The following SKIDA1 variants were observed in gnomAD, a reference collection of about 807,000 sequenced individuals.
The protein encoded by SKIDA1 is SKI/DACH domain-containing protein 1.
SKIDA1 carries 18 observed loss-of-function variants against 51.4 expected under a neutral mutation model. The ratio of observed to expected loss-of-function variants is 0.35; its 90% CI spans 0.24 to 0.52. SKIDA1 has a LOEUF of 0.52. Among genes scored for constraint, SKIDA1 ranks in the 20% least tolerant of loss-of-function variants. The pLI is 0.95. For synonymous variants in SKIDA1, 579 were observed against 500.5 expected (o/e 1.16, Z -2.09); for missense variants, 1,104 against 1,180.6 (o/e 0.94, Z 0.95).
Position 21,516,289 on chromosome 10 carries a change from C to T in SKIDA1, c.1534G>A (p.Val512Ile). 3 of 1,613,920 alleles carry T rather than the reference C, an allele frequency of 1.9e-6. No homozygotes were observed. The highest frequency in any genetic ancestry group is 2.5e-6 in the Non-Finnish European group (3 of 1,179,912). The change falls in exon 4 of 4, where the codon GTC becomes ATC. Residue 512 changes from valine to isoleucine, a missense_variant. By Grantham distance (29) the Val-to-Ile change is conservative. This residue lies in a region of SKIDA1 where 938 missense variants were observed against 886.4 expected (regional missense o/e 1.06). Transcript: ENST00000449193. The surrounding 1 kb of genome is among the most constrained non-coding windows in gnomAD (Gnocchi z 5.7). ...AGRLPDLKSS[V>I]KAESPAEWNL... ...CACTCCGCCGGCGACTCCGCTTTGA[C>T]ACTACTCTTGAGGTCGGGAAGTCTG...
chr10:21,523,612 G>A (rs2032506582), intron 2 of SKIDA1, 71 bp downstream of exon 2: 1 of 152,158 alleles, frequency 6.6e-6, no homozygotes. Context: ...GGTTGCCCAA[G>A]TTTTTGTTTA....
chr10:21,516,846 A>G lies in SKIDA1; in HGVS notation c.977T>C (p.Phe326Ser). The G allele has an allele frequency of 6.5e-7, 1 of 1,536,514 alleles. No homozygotes were observed. The highest frequency in any genetic ancestry group is 1.2e-5 in the South Asian group (1 of 83,460). Residue 326 changes from phenylalanine (F) to serine (S), a missense_variant, in exon 4 of 4, where the codon TTT becomes TCT. Physicochemically the swap from Phe to Ser is radical, Grantham distance 155 (BLOSUM62 -2). Around this residue, in one of 3 missense-constraint regions of SKIDA1, gnomAD observed 938 missense variants for 886.4 expected, o/e 1.06. Coordinates refer to ENST00000449193, the MANE Select transcript of SKIDA1 (RefSeq NM_207371.4). This position sits in a 1 kb window ranked among gnomAD's most constrained non-coding sequence, Gnocchi z 5.7. The stretch of plus-strand genomic sequence containing the variant: ...CGGGCAGAAGCCGTTGACCAGATGA[A>G]ACCTCTCCAGGCAAGTGGCCCCCGC... ...AAAGATCLER[F>S]HLVNGFCPPP...
chr10:21,516,864 GC>G lies in SKIDA1; in HGVS notation c.958del (p.Ala320ProfsTer226). The G allele has an allele frequency of 7.6e-7, 1 of 1,317,946 alleles. No individual in the cohort carries two copies. Among genetic ancestry groups the G allele is most frequent in the Non-Finnish European group, 9.6e-7 (1 of 1,038,468 alleles). The allele number at this position is 1,317,946 out of a possible 1,614,324, so 81.6% of individuals were successfully genotyped here. A position where few individuals can be genotyped will look rare whatever the true frequency, so the allele number is the denominator to read the frequency against. On this transcript the variant is annotated frameshift_variant, in exon 4 of 4. Transcript: ENST00000449193. LOFTEE classifies it high-confidence loss of function. The surrounding 1 kb of genome is among the most constrained non-coding windows in gnomAD (Gnocchi z 5.7). ...AAAAAAAAAG[A>X]TCLERFHLVN... is the part of the protein sequence containing the mutation. ...CAGATGAAACCTCTCCAGGCAAGTGGCCCCCGCGGCGGCCGCCGCCGCCGCT... is the reference window on the plus strand; with the variant it reads ...CAGATGAAACCTCTCCAGGCAAGTGGCCCCGCGGCGGCCGCCGCCGCCGCT...
Position 21,516,717 on chromosome 10 carries a change from T to C in SKIDA1, c.1106A>G (p.Gln369Arg). The C allele has an allele frequency of 6.4e-7, 1 of 1,550,644 alleles. No homozygotes were observed. Among genetic ancestry groups the C allele is most frequent in the Non-Finnish European group, 8.7e-7 (1 of 1,146,702 alleles). ...SHHPPHHHRP[Q>R]PHLGSFPESC... ...CTCGGGAAAGCTGCCCAGATGGGGC[T>C]GCGGCCGGTGGTGGTGAGGGGGGTG... Residue 369 changes from glutamine to arginine, a missense_variant, in exon 4 of 4, where the codon CAG becomes CGG. Gln to Arg is a conservative substitution (Grantham distance 43). Transcript: ENST00000449193. This position sits in a 1 kb window ranked among gnomAD's most constrained non-coding sequence, Gnocchi z 5.7.
At chr10:21,523,450 C>T (rs1588690204) in intron 2 of SKIDA1, among the ~76,000 whole-genome samples, 1 of 152,142 alleles carries the variant, frequency 6.6e-6, no homozygotes, top group African/African-American at 2.4e-5. Context: ...GCCTTTCCCC[C>T]CAATTATCTT....
rs917805405 is a variant in SKIDA1, at chr10:21,518,047, TTTG to T, written c.-228_-226del. On this transcript the variant is annotated 5_prime_UTR_variant, in exon 4 of 4. Transcript: ENST00000449193. ...ATTACACTGACTTGATTCTTGCTTTTTTGTTGTTGTTGTTTTCGTTTTTTTAAA... is the reference window on the plus strand; with the variant it reads ...ATTACACTGACTTGATTCTTGCTTTTTTGTTGTTGTTTTCGTTTTTTTAAA... 6.7e-5 allele frequency: 34 copies of T among 508,630 alleles called. No homozygotes were observed. Among genetic ancestry groups the T allele is most frequent in the Middle Eastern group, 5.3e-4 (1 of 1,888 alleles). 31.5% of individuals were successfully genotyped at this position (508,630 alleles called of 1,614,324 possible).
Position 21,516,195 on chromosome 10 carries a change from G to T in SKIDA1, c.1628C>A (p.Ala543Asp), listed in dbSNP as rs761181030. 1 of 1,614,008 alleles carries T rather than the reference G, an allele frequency of 6.2e-7. No homozygotes were observed. Among genetic ancestry groups the T allele is most frequent in the Non-Finnish European group, 8.5e-7 (1 of 1,179,892 alleles). The stretch of plus-strand genomic sequence containing the variant: ...AGATACCCTATCGTTCCTTATCTCA[G>T]CGAAACAACTCCCCAGGCTGGCCGG... ...YCPASLGSCF[A>D]EIRNDRVSEI... is the part of the protein sequence containing the mutation. Residue 543 changes from alanine to aspartate, a missense_variant, in exon 4 of 4, where the codon GCT becomes GAT. Ala to Asp is a moderately radical substitution (Grantham distance 126). Around this residue, in one of 3 missense-constraint regions of SKIDA1, gnomAD observed 938 missense variants for 886.4 expected, o/e 1.06. Transcript: ENST00000449193. The surrounding 1 kb of genome is among the most constrained non-coding windows in gnomAD (Gnocchi z 5.7).
In SKIDA1 at chr10:21,515,078, A is replaced by G. The variant is rs2032158207; in HGVS notation, c.*18T>C. ...AAGGAAGGTAATATGGTTCAAGAAA[A>G]TATCTTCCAAAACATTTTTATGAAT... On this transcript the variant is annotated 3_prime_UTR_variant, in exon 4 of 4. Coordinates refer to ENST00000449193, the MANE Select transcript of SKIDA1 (RefSeq NM_207371.4). The G allele has an allele frequency of 1.3e-6, 2 of 1,569,466 alleles. No individual in the cohort carries two copies. The highest frequency in any genetic ancestry group is 2.3e-5 in the East Asian group (1 of 43,688).
chr10:21,516,843 T>C lies in SKIDA1; in HGVS notation c.980A>G (p.His327Arg), dbSNP rs1239497430. ...AAGATCLERF[H>R]LVNGFCPPPH... ...AGGCGGGCAGAAGCCGTTGACCAGATGAAACCTCTCCAGGCAAGTGGCCCC... is the reference window on the plus strand; with the variant it reads ...AGGCGGGCAGAAGCCGTTGACCAGACGAAACCTCTCCAGGCAAGTGGCCCC... Residue 327 changes from histidine to arginine, a missense_variant, in exon 4 of 4, where the codon CAT becomes CGT. Coordinates refer to ENST00000449193, the MANE Select transcript of SKIDA1 (RefSeq NM_207371.4). The surrounding 1 kb of genome is among the most constrained non-coding windows in gnomAD (Gnocchi z 5.7). 6.5e-7 allele frequency: 1 copy of C among 1,538,934 alleles called. No homozygotes were observed.
At position 21,513,636 on chromosome 10, in the gene SKIDA1, T is replaced by A. The variant is rs2032099211; in HGVS notation, c.*1460A>T. The A allele has an allele frequency of 6.6e-6, 1 of 152,626 alleles. No homozygotes were observed. The highest frequency in any genetic ancestry group is 2.4e-5 in the African/African-American group (1 of 41,438). The allele number at this position is 152,626 out of a possible 1,614,324, so 9.5% of individuals were successfully genotyped here. A position where few individuals can be genotyped will look rare whatever the true frequency, so the allele number is the denominator to read the frequency against. On this transcript the variant is annotated 3_prime_UTR_variant, in exon 4 of 4. Coordinates refer to ENST00000449193, the MANE Select transcript of SKIDA1 (RefSeq NM_207371.4). ...CTAGCATTTGCATGTTGAACTACTT[T>A]GATTTTAAGTGCAAATATAGATAGT...
At chr10:21,520,796 A>G (rs1406869308) in intron 3 of SKIDA1, among the ~76,000 whole-genome samples, 2 of 151,766 alleles carry the variant, frequency 1.3e-5, no homozygotes, top group Non-Finnish European at 2.9e-5. Context: ...TAGCATATTA[A>G]GTTATTTTTT....
intron 1 of SKIDA1, among the ~76,000 whole-genome samples, chr10:21,524,236 GTT>G (rs1197328988): frequency 6.6e-6 from 1 of 152,002 alleles, no homozygotes; most frequent in Non-Finnish European, 1.5e-5. Flanking sequence ...TTGGGGTAGT[GTT>G]TTGTTTGTGT....
In SKIDA1 at chr10:21,515,000, G is replaced by A. The variant is rs914565550; in HGVS notation, c.*96C>T. ...ATGCGATAAACCAGGACTCCAAAGG[G>A]GGTGTAACACATTAATGGACTTGTA... is the stretch of plus-strand genomic sequence containing the variant. On this transcript the variant is annotated 3_prime_UTR_variant, in exon 4 of 4. Transcript: ENST00000449193. The A allele has an allele frequency of 2.9e-5, 41 of 1,408,486 alleles. 1 individual carries two copies. In the South Asian group the frequency reaches 6.2e-4, roughly 21 times the overall value. The allele number at this position is 1,408,486 out of a possible 1,614,324, so 87.2% of individuals were successfully genotyped here.
In SKIDA1 at chr10:21,516,622, T is replaced by C; in HGVS notation, c.1201A>G (p.Ser401Gly). 1.9e-6 allele frequency: 3 copies of C among 1,551,678 alleles called. No individual in the cohort carries two copies. Among genetic ancestry groups the C allele is most frequent in the Non-Finnish European group, 1.7e-6 (2 of 1,147,000 alleles). Residue 401 changes from serine to glycine, a missense_variant, in exon 4 of 4, where the codon AGT (serine) becomes GGT (glycine). Ser to Gly is a moderately conservative substitution (Grantham distance 56). Around this residue, in one of 3 missense-constraint regions of SKIDA1, gnomAD observed 938 missense variants for 886.4 expected, o/e 1.06. Transcript: ENST00000449193. This position sits in a 1 kb window ranked among gnomAD's most constrained non-coding sequence, Gnocchi z 5.7. ...ACAGAATTGCTGGAGCTGGACAAACTGGAGCCAAAATCCGAGTCGTTGGCC... is the reference window on the plus strand; with the variant it reads ...ACAGAATTGCTGGAGCTGGACAAACCGGAGCCAAAATCCGAGTCGTTGGCC... ...HAANDSDFGS[S>G]LSSSSNSVSS... is the part of the protein sequence containing the mutation.
chr10:21,514,955 A>C lies in SKIDA1; in HGVS notation c.*141T>G, dbSNP rs2032154362. The C allele has an allele frequency of 9.0e-7, 1 of 1,116,768 alleles. No individual in the cohort carries two copies. The highest frequency in any genetic ancestry group is 3.4e-5 in the East Asian group (1 of 29,726). 69.2% of individuals were successfully genotyped at this position (1,116,768 alleles called of 1,614,324 possible). On this transcript the variant is annotated 3_prime_UTR_variant, in exon 4 of 4. Transcript: ENST00000449193. ...AAAAACCCGCAACGGAAAAAAAGTAATCCGATTTCTGTCTTCAAAATGCGA... is the reference window on the plus strand; with the variant it reads ...AAAAACCCGCAACGGAAAAAAAGTACTCCGATTTCTGTCTTCAAAATGCGA...
rs1230396783 is a variant in SKIDA1 at position 21,515,414 on chromosome 10, T to C, written c.2409A>G (p.Ser803=). ...QTPPVKPNLK[S]ARSPRPTGKT... Reference sequence around the variant, plus strand: ...TACCTGTAGGACGAGGGCTTCTAGCTGATTTCAAATTTGGTTTGACTGGAG... The same window carrying C: ...TACCTGTAGGACGAGGGCTTCTAGCCGATTTCAAATTTGGTTTGACTGGAG... The change falls in exon 4 of 4, where the codon TCA becomes TCG. Residue 803 remains serine, a synonymous_variant. Transcript: ENST00000449193. 1 of 1,614,074 alleles carries C rather than the reference T, an allele frequency of 6.2e-7. No individual in the cohort carries two copies. Among genetic ancestry groups the C allele is most frequent in the Admixed American group, 1.7e-5 (1 of 60,030 alleles).
rs10707268 is a variant in SKIDA1, at chr10:21,518,540, GAA to G, written c.-720_-719del. ...AAGCAGTGTGTGTACGCTTAAGGGA[GAA>G]AAAAAAAAAAACCGCACCGTATATT... On this transcript the variant is annotated 5_prime_UTR_variant, in exon 4 of 4. The change creates a premature stop within an existing upstream ORF in the 5' untranslated region. Transcript: ENST00000449193. 47 of 154,060 alleles carry G rather than the reference GAA, an allele frequency of 3.1e-4. No homozygotes were observed. The highest frequency in any genetic ancestry group is 8.9e-4 in the East Asian group (4 of 4,502). 9.5% of individuals were successfully genotyped at this position (154,060 alleles called of 1,614,324 possible).
At position 21,516,388 on chromosome 10, in the gene SKIDA1, C is replaced by T; in HGVS notation, c.1435G>A (p.Ala479Thr). The change falls in exon 4 of 4, where the codon GCG becomes ACG. Residue 479 changes from alanine (A) to threonine (T), a missense_variant. Coordinates refer to ENST00000449193, the MANE Select transcript of SKIDA1 (RefSeq NM_207371.4). This position sits in a 1 kb window ranked among gnomAD's most constrained non-coding sequence, Gnocchi z 5.7. ...AGATGGTACAAGAAGTTGGCCTGCG[C>T]CTGCACGCTGGGAGGCTTGCAGAAG... ...TSFCKPPSVQ[A>T]QANFLYHLAS... 1 of 1,613,426 alleles carries T rather than the reference C, an allele frequency of 6.2e-7. No individual in the cohort carries two copies. The highest frequency in any genetic ancestry group is 2.2e-5 in the East Asian group (1 of 44,884).
Position 21,515,391 on chromosome 10 carries a change from C to A in SKIDA1, c.2432G>T (p.Gly811Val). Residue 811 changes from glycine to valine, a missense_variant, in exon 4 of 4, where the codon GGT (glycine) becomes GTT (valine). Gly to Val is a moderately radical substitution (Grantham distance 109). Around this residue, in one of 3 missense-constraint regions of SKIDA1, gnomAD observed 112 missense variants for 168.3 expected, o/e 0.67. Transcript: ENST00000449193. ...LKSARSPRPT[G>V]KTETNEGTLD... ...TGTTCCTTCATTTGTCTCAGTTTTA[C>A]CTGTAGGACGAGGGCTTCTAGCTGA... 1 of 1,613,970 alleles carries A rather than the reference C, an allele frequency of 6.2e-7. No homozygotes were observed. The highest frequency in any genetic ancestry group is 8.5e-7 in the Non-Finnish European group (1 of 1,179,888).
Sources: gnomAD v4.1 joint callset for allele counts (sites outside exome capture counted in the v4.1 genomes callset) on GRCh38, gnomAD v4.1.1 for gene constraint, gnomAD v4.1.1 regional missense constraint, Gnocchi (gnomAD v3.1) non-coding constraint, MANE v1.5 for transcripts, NCBI Gene and HGNC (gene_info 2026-07-23, HGNC 2026-07-21) for gene names.